The following LDAH variants were observed in gnomAD, a reference collection of about 807,000 sequenced individuals.
The protein encoded by LDAH is lipid droplet-associated hydrolase.
In LDAH, 26 loss-of-function variants were observed where a neutral mutation model predicts 29.6. The observed-to-expected ratio is 0.88, with a 90% confidence interval of 0.64 to 1.22. The LOEUF (loss-of-function observed/expected upper bound fraction) is 1.22, where lower values mean the gene tolerates loss of function less well. LDAH is among the 50% of genes most tolerant of loss of function. The pLI, the probability that LDAH is intolerant of heterozygous loss-of-function variation, is 0.00. For synonymous variants in LDAH, 117 were observed against 133.0 expected (o/e 0.88, Z 0.83); for missense variants, 344 against 387.3 (o/e 0.89, Z 0.94).
intron 2 of LDAH, among the ~76,000 whole-genome samples, chr2:20,796,478 GA>G (rs1424304467): frequency 6.6e-6 from 1 of 152,054 alleles, no homozygotes; most frequent in East Asian, 1.9e-4. Flanking sequence ...TGAAAGCCTT[GA>G]CCCTTAAATG....
At chr2:20,754,500 C>CAAAAAAAAAA (rs61076745) in intron 4 of LDAH, among the ~76,000 whole-genome samples, 1 of 77,440 alleles carries the variant, frequency 1.3e-5, no homozygotes, top group African/African-American at 5.4e-5. Context: ...ACCCTCGCCA[C>CAAAAAAAAAA]AAAAAAAAAA....
At chr2:20,712,408 G>C (rs1664834592) in intron 5 of LDAH, among the ~76,000 whole-genome samples, 1 of 152,222 alleles carries the variant, frequency 6.6e-6, no homozygotes, top group African/African-American at 2.4e-5. Flanking sequence ...ATGAAAGGTA[G>C]ACAAAATCAC....
intron 4 of LDAH, among the ~76,000 whole-genome samples, chr2:20,771,026 G>T (rs1014146834): frequency 1.4e-4 from 22 of 152,058 alleles, no homozygotes; most frequent in Non-Finnish European, 2.8e-4. Context: ...TTACCTATTT[G>T]CTCAAGTTTC....
chr2:20,757,666 C>T (rs980496568), intron 4 of LDAH, among the ~76,000 whole-genome samples: 1 of 152,194 alleles, frequency 6.6e-6, no homozygotes, highest in Non-Finnish European at 1.5e-5. Flanking sequence ...GAATGGTACA[C>T]TGAGTAAAGC....
intron 4 of LDAH, among the ~76,000 whole-genome samples, chr2:20,748,800 A>G (rs760859478): frequency 2.0e-5 from 3 of 152,146 alleles, no homozygotes; most frequent in Non-Finnish European, 4.4e-5. Flanking sequence ...CATGGTTCCT[A>G]GAGGTAAAGC....
chr2:20,820,224 A>C (rs1673159986), intron 1 of LDAH, among the ~76,000 whole-genome samples: 1 of 152,096 alleles, frequency 6.6e-6, no homozygotes, highest in African/African-American at 2.4e-5. Flanking sequence ...CATCCCCATC[A>C]AGCTACCAAT....
intron 2 of LDAH, 76 bp from the exon 3 acceptor site, chr2:20,790,474 T>C (rs536845898): frequency 7.9e-7 from 1 of 1,258,568 alleles, no homozygotes; most frequent in East Asian, 2.3e-5. Context: ...CTAGAAAAGA[T>C]GGGTCTGTTT....
At chr2:20,694,554 C>T (rs923786382) in intron 6 of LDAH, among the ~76,000 whole-genome samples, 2 of 152,178 alleles carry the variant, frequency 1.3e-5, no homozygotes, top group South Asian at 2.1e-4. Flanking sequence ...TCCTCTCTTC[C>T]GTTTATTCCT....
chr2:20,738,682 C>T (rs1255983969), intron 5 of LDAH, among the ~76,000 whole-genome samples: 2 of 152,124 alleles, frequency 1.3e-5, no homozygotes, highest in African/African-American at 2.4e-5. Flanking sequence ...TGCTTTCCCT[C>T]TTCCTATCTC....
At chr2:20,700,321 A>G (rs948187754) in intron 6 of LDAH, among the ~76,000 whole-genome samples, 2 of 152,184 alleles carry the variant, frequency 1.3e-5, no homozygotes, top group Non-Finnish European at 2.9e-5. Flanking sequence ...GATGACCACT[A>G]TGGCCATGAG....
At chr2:20,781,058 T>A (rs145370981) in intron 3 of LDAH, among the ~76,000 whole-genome samples, 103 of 152,328 alleles carry the variant, frequency 6.8e-4, no homozygotes, top group South Asian at 2.5e-3. Context: ...TATAACTTTT[T>A]TAGGTAATGT....
chr2:20,795,375 T>C (rs1216306810), intron 2 of LDAH, among the ~76,000 whole-genome samples: 1 of 152,198 alleles, frequency 6.6e-6, no homozygotes, highest in African/African-American at 2.4e-5. Flanking sequence ...GACAGACCTA[T>C]TGGACTCATT....
At chr2:20,754,473 A>T (rs889888629) in intron 4 of LDAH, among the ~76,000 whole-genome samples, 38 of 142,874 alleles carry the variant, frequency 2.7e-4, no homozygotes, top group Non-Finnish European at 5.4e-4. Flanking sequence ...TCTGGGTGAC[A>T]GAGCAAGACT....
At chr2:20,799,641 T>C (rs1222397498) in intron 2 of LDAH, among the ~76,000 whole-genome samples, 1 of 152,200 alleles carries the variant, frequency 6.6e-6, no homozygotes, top group Admixed American at 6.5e-5. Context: ...CTTGCATGTT[T>C]GTACCTGTTT....
Position 20,740,172 on chromosome 2 carries a change from C to T in LDAH, c.502G>A (p.Glu168Lys). The change falls in exon 5 of 7, where the codon GAA becomes AAA. Residue 168 changes from glutamate to lysine, a missense_variant. Transcript: ENST00000237822. ...IRAFLLFPTI[E>K]RMSESPNGRI... is the part of the protein sequence containing the mutation. ...CCATTGGGTGACTCAGACATTCGTT[C>T]AATTGTTGGAAAGAGCAGAAAGGCA... The T allele has an allele frequency of 6.2e-7, 1 of 1,613,992 alleles. No individual in the cohort carries two copies. Among genetic ancestry groups the T allele is most frequent in the Non-Finnish European group, 8.5e-7 (1 of 1,179,944 alleles).
intron 6 of LDAH, among the ~76,000 whole-genome samples, chr2:20,690,249 G>A (rs950287848): frequency 6.6e-6 from 1 of 152,148 alleles, no homozygotes; most frequent in African/African-American, 2.4e-5. Context: ...AAGTAATTAT[G>A]GGGCACACAC....
At chr2:20,712,454 A>G (rs1664839141) in intron 5 of LDAH, among the ~76,000 whole-genome samples, 1 of 152,242 alleles carries the variant, frequency 6.6e-6, no homozygotes, top group African/African-American at 2.4e-5. Flanking sequence ...AAAGCTGAAA[A>G]TTCTAAAAAC....
intron 4 of LDAH, among the ~76,000 whole-genome samples, chr2:20,760,538 C>T (rs751088090): frequency 1.3e-5 from 2 of 152,194 alleles, no homozygotes; most frequent in African/African-American, 2.4e-5. Flanking sequence ...TGAGGCTTGA[C>T]TGGGGAAGGA....
rs1049474620 is a variant in LDAH, at chr2:20,800,800, AT to A, written c.154+509del. 1.2e-3 allele frequency among the ~76,000 whole-genome samples: 179 copies of A among 151,996 alleles called. 1 individual carries two copies. The highest frequency in any genetic ancestry group is 4.2e-3 in the African/African-American group (176 of 41,458). On this transcript the variant is annotated intron_variant, in intron 2 of 6. Transcript: ENST00000237822. ...AGGCATGTGCCACCACGCCCAGCTA[AT>A]TTTTTGTTTTTTAGTAGAGATGGGG... is the stretch of plus-strand genomic sequence containing the variant.
Sources: allele counts gnomAD v4.1 joint callset (sites outside exome capture counted in the v4.1 genomes callset), GRCh38; gene constraint gnomAD v4.1.1; transcripts MANE v1.5; gene names NCBI Gene and HGNC (gene_info 2026-07-23, HGNC 2026-07-21).